DTNBP1: variants seen among roughly 807,000 people sequenced by gnomAD.
DTNBP1 encodes the protein dysbindin.
Under a neutral mutation model 42.8 loss-of-function variants are expected in DTNBP1, and 35 were observed. That is an observed-to-expected ratio of 0.82 (90% CI 0.63 to 1.09). DTNBP1 has a LOEUF of 1.09. DTNBP1 is among the 50% of genes least tolerant of loss of function. The pLI, the probability that DTNBP1 is intolerant of heterozygous loss-of-function variation, is 0.00. For synonymous variants in DTNBP1, 171 were observed against 162.2 expected, an observed-to-expected ratio of 1.05 and a Z score of -0.41; for missense variants, 457 against 424.2, an observed-to-expected ratio of 1.08 and a Z score of -0.68.
At chr6:15,599,972 A>T (rs1277149916) in intron 6 of DTNBP1, among the ~76,000 whole-genome samples, 1 of 152,162 alleles carries the variant, frequency 6.6e-6, no homozygotes, top group Non-Finnish European at 1.5e-5. Flanking sequence ...GTCTGCAGTC[A>T]TGCCCCACCA....
In DTNBP1 at chr6:15,524,605, C is replaced by T. The variant is rs1166971208; in HGVS notation, c.732G>A (p.Met244Ile). 6.2e-7 allele frequency: 1 copy of T among 1,613,826 alleles called. No individual in the cohort carries two copies. The highest frequency in any genetic ancestry group is 8.5e-7 in the Non-Finnish European group (1 of 1,179,880). ...NVDMLEQMDLMDISDQEALDV... is the reference protein window; with the variant it reads ...NVDMLEQMDLIDISDQEALDV... ...CCAGGGCCTCCTGGTCCGATATGTC[C>T]ATCAGGTCCATCTGCTCCAGCATGT... Residue 244 changes from methionine to isoleucine, a missense_variant, in exon 9 of 10, where the codon ATG (methionine) becomes ATA (isoleucine). By Grantham distance (10) the Met-to-Ile change is conservative (BLOSUM62 1). Coordinates refer to ENST00000344537, the MANE Select transcript of DTNBP1 (RefSeq NM_032122.5).
At chr6:15,578,312 G>C (rs1775671813) in intron 7 of DTNBP1, among the ~76,000 whole-genome samples, 1 of 152,210 alleles carries the variant, frequency 6.6e-6, no homozygotes. Context: ...ATCAGGGAGG[G>C]GATGTCCCAG....
chr6:15,584,306 A>T (rs1365923649), intron 7 of DTNBP1, among the ~76,000 whole-genome samples: 1 of 152,144 alleles, frequency 6.6e-6, no homozygotes, highest in Non-Finnish European at 1.5e-5. Context: ...CTATATGCAG[A>T]TCTTTACTCT....
intron 7 of DTNBP1, among the ~76,000 whole-genome samples, chr6:15,537,632 G>A (rs991083677): frequency 6.6e-6 from 1 of 152,126 alleles, no homozygotes; most frequent in Non-Finnish European, 1.5e-5. Context: ...GGGAGTAATT[G>A]GATCATGGAG....
intron 7 of DTNBP1, among the ~76,000 whole-genome samples, chr6:15,542,357 A>G (rs1300261718): frequency 1.3e-5 from 2 of 152,070 alleles, no homozygotes; most frequent in African/African-American, 4.8e-5. Flanking sequence ...ATTGGGACCT[A>G]TGATTTGTTT....
chr6:15,627,602 T>C, intron 4 of DTNBP1, 127 bp from the exon 5 acceptor site: 2 of 1,345,654 alleles, frequency 1.5e-6, no homozygotes, highest in Middle Eastern at 2.4e-4. Context: ...CGGTACATTC[T>C]AAAAGAGACT....
At chr6:15,580,221 C>T (rs1452582721) in intron 7 of DTNBP1, among the ~76,000 whole-genome samples, 1 of 152,100 alleles carries the variant, frequency 6.6e-6, no homozygotes, top group Non-Finnish European at 1.5e-5. Context: ...ATTTTACCTC[C>T]CGTCACACCT....
intron 7 of DTNBP1, among the ~76,000 whole-genome samples, chr6:15,586,192 T>C (rs951505494): frequency 7.2e-5 from 11 of 152,180 alleles, no homozygotes; most frequent in Non-Finnish European, 1.3e-4. Context: ...ATTAAAAATA[T>C]AGTTCATTTC....
intron 6 of DTNBP1, among the ~76,000 whole-genome samples, chr6:15,610,135 T>A (rs545063892): frequency 6.6e-6 from 1 of 152,198 alleles, no homozygotes; most frequent in African/African-American, 2.4e-5. Context: ...CCACATTGCC[T>A]GATGAGCTAG....
At chr6:15,650,005 CAACAA>C (rs1419696367) in intron 3 of DTNBP1, among the ~76,000 whole-genome samples, 1 of 152,092 alleles carries the variant, frequency 6.6e-6, no homozygotes, top group African/African-American at 2.4e-5. Flanking sequence ...GTTCTTCACA[CAACAA>C]AACAAAGGAA....
intron 7 of DTNBP1, among the ~76,000 whole-genome samples, chr6:15,540,601 G>A (rs772901786): frequency 3.3e-5 from 5 of 152,188 alleles, no homozygotes; most frequent in Non-Finnish European, 7.4e-5. Flanking sequence ...ATCATGTCTC[G>A]ACCTTCACAA....
At chr6:15,589,938 C>CT (rs1561978014) in intron 7 of DTNBP1, among the ~76,000 whole-genome samples, 1 of 152,084 alleles carries the variant, frequency 6.6e-6, no homozygotes, top group East Asian at 1.9e-4. Flanking sequence ...TCATACACTT[C>CT]TTTTTTTGGA....
intron 8 of DTNBP1, among the ~76,000 whole-genome samples, chr6:15,531,618 T>C (rs548793863): frequency 3.3e-5 from 5 of 152,300 alleles, no homozygotes; most frequent in African/African-American, 1.2e-4. Context: ...CTTTCCTCAT[T>C]CTTGGATTTC....
rs367543105 is a variant in DTNBP1 at position 15,627,374 on chromosome 6, G to A, written c.324C>T (p.Ile108=). Reference sequence around the variant, plus strand: ...TTGCTGTCATGGATTCTAAGTCTGCGATTAAAGCTGGGAGCTGCTGGAGCT... The same window carrying A: ...TTGCTGTCATGGATTCTAAGTCTGCAATTAAAGCTGGGAGCTGCTGGAGCT... ...QEQLQQLPAL[I]ADLESMTANL... The change falls in exon 5 of 10, where the codon ATC becomes ATT. Residue 108 remains isoleucine (I), a synonymous_variant. Transcript: ENST00000344537. The A allele has an allele frequency of 6.8e-6, 11 of 1,612,912 alleles. No individual in the cohort carries two copies. Among genetic ancestry groups the A allele is most frequent in the Middle Eastern group, 1.7e-4 (1 of 6,046 alleles).
intron 7 of DTNBP1, among the ~76,000 whole-genome samples, chr6:15,550,338 T>C (rs1048586751): frequency 1.3e-5 from 2 of 152,206 alleles, no homozygotes; most frequent in African/African-American, 2.4e-5. Flanking sequence ...TACGAGATAG[T>C]ATGTGACAAC....
intron 6 of DTNBP1, among the ~76,000 whole-genome samples, chr6:15,600,969 G>A (rs756891030): frequency 6.6e-6 from 1 of 152,182 alleles, no homozygotes; most frequent in Non-Finnish European, 1.5e-5. Context: ...AGCCAAGGAT[G>A]TAGAAGAGCA....
At chr6:15,643,396 C>T (rs921831539) in intron 3 of DTNBP1, among the ~76,000 whole-genome samples, 1 of 152,078 alleles carries the variant, frequency 6.6e-6, no homozygotes, top group Non-Finnish European at 1.5e-5. Context: ...AGGAAAATTT[C>T]TCCAATCTTG....
chr6:15,622,946 A>T (rs572158303), intron 5 of DTNBP1, among the ~76,000 whole-genome samples: 2 of 152,368 alleles, frequency 1.3e-5, no homozygotes, highest in African/African-American at 4.8e-5. Context: ...CTTATGGAAC[A>T]AAGAACTCTC....
intron 8 of DTNBP1, among the ~76,000 whole-genome samples, chr6:15,525,554 C>T (rs1313713223): frequency 6.6e-6 from 1 of 152,198 alleles, no homozygotes; most frequent in East Asian, 1.9e-4. Flanking sequence ...GCTGTTCATA[C>T]ACCACAGTCA....
Sources: gnomAD v4.1 joint callset for allele counts (sites outside exome capture counted in the v4.1 genomes callset) on GRCh38, gnomAD v4.1.1 for gene constraint, MANE v1.5 for transcripts, NCBI Gene and HGNC (gene_info 2026-07-23, HGNC 2026-07-21) for gene names.